Variants in NXN observed in about 807,000 individuals in gnomAD.
NXN encodes nucleoredoxin.
A neutral mutation model predicts 48.6 loss-of-function variants in NXN; 16 were observed. The observed-to-expected ratio is 0.33, with a 90% CI of 0.22 to 0.50. The LOEUF is 0.50. Among genes scored for constraint, NXN ranks in the 20% least tolerant of loss-of-function variants. The pLI, the probability that NXN is intolerant of heterozygous loss-of-function variation, is 0.98. For missense variants in NXN, 492 were observed against 605.5 expected, an observed-to-expected ratio of 0.81 and a Z score of 1.97; for synonymous variants, 281 against 269.6, an observed-to-expected ratio of 1.04 and a Z score of -0.41.
At chr17:975,755 G>A (rs1372791204) in intron 1 of NXN, among the ~76,000 whole-genome samples, 2 of 152,194 alleles carry the variant, frequency 1.3e-5, no homozygotes, top group African/African-American at 2.4e-5. Flanking sequence ...AACACCAAAA[G>A]AGTGCTCACT....
intron 1 of NXN, among the ~76,000 whole-genome samples, chr17:925,091 A>T (rs1213982587): frequency 6.6e-6 from 1 of 152,196 alleles, no homozygotes; most frequent in Non-Finnish European, 1.5e-5. Context: ...TTCAAAGCTG[A>T]TTGTCTCAGG....
Position 921,126 on chromosome 17 carries a change from A to T in NXN, c.360+58193T>A, listed in dbSNP as rs537944043. 5.3e-5 allele frequency among the ~76,000 whole-genome samples: 8 copies of T among 152,284 alleles called. No homozygotes were observed. In the East Asian group the frequency reaches 1.5e-3, roughly 29 times the overall value. The stretch of plus-strand genomic sequence containing the variant: ...ATCACAGCTTTGTAGTGAGAGTTAG[A>T]CGGGACGGCGTTCAGCCACCCTCAG... On this transcript the variant is annotated intron_variant, in intron 1 of 7. Coordinates refer to ENST00000336868, the MANE Select transcript of NXN (RefSeq NM_022463.5).
intron 1 of NXN, among the ~76,000 whole-genome samples, chr17:861,325 G>C (rs1483382667): frequency 1.3e-5 from 2 of 152,084 alleles, no homozygotes; most frequent in African/African-American, 4.8e-5. Flanking sequence ...GTAGAGACGG[G>C]GTTTCACCAT....
chr17:936,550 C>A lies in NXN; in HGVS notation c.360+42769G>T, dbSNP rs375275134. Among the ~76,000 whole-genome samples, 57 of 151,274 alleles carry A rather than the reference C, an allele frequency of 3.8e-4. 2 individuals carry two copies. Among genetic ancestry groups the A allele is most frequent in the African/African-American group, 1.4e-3 (56 of 41,162 alleles). ...AGTGACTGAAAGCAGGATTCTGCTG[C>A]GGAAAAACTGGACTTGGAGGAAGGG... is the stretch of plus-strand genomic sequence containing the variant. On this transcript the variant is annotated intron_variant, in intron 1 of 7. Transcript: ENST00000336868.
At chr17:930,263 C>G (rs1216643513) in intron 1 of NXN, 1 of 152,056 alleles carries the variant, frequency 6.6e-6, no homozygotes, top group Non-Finnish European at 1.5e-5. Context: ...GGTGAAACCC[C>G]ATCTTTACTA....
At chr17:866,589 TAA>T (rs2068097958) in intron 1 of NXN, among the ~76,000 whole-genome samples, 1 of 152,018 alleles carries the variant, frequency 6.6e-6, no homozygotes, top group African/African-American at 2.4e-5. Flanking sequence ...AAATGAACCT[TAA>T]GAGAGAGGAT....
chr17:897,762 G>A (rs1274483189), intron 1 of NXN, among the ~76,000 whole-genome samples: 1 of 152,066 alleles, frequency 6.6e-6, no homozygotes, highest in Non-Finnish European at 1.5e-5. Flanking sequence ...TGCAACCTCG[G>A]CCTCCAAGGT....
rs187613375 is a variant in NXN at position 900,984 on chromosome 17, G to A, written c.361-74906C>T. 9.9e-5 allele frequency among the ~76,000 whole-genome samples: 14 copies of A among 140,804 alleles called. No individual in the cohort carries two copies. In the South Asian group the frequency reaches 1.6e-3, roughly 16 times the overall value. 92.4% of individuals were successfully genotyped at this position (140,804 alleles called of 152,430 possible). On this transcript the variant is annotated intron_variant, in intron 1 of 7. Coordinates refer to ENST00000336868, the MANE Select transcript of NXN (RefSeq NM_022463.5). ...TGCCCAGCCTAGAGTGCAATGGCAC[G>A]ATCTTGGTTCATTGCAACCTCCACC...
chr17:924,280 A>T (rs2068776896), intron 1 of NXN, among the ~76,000 whole-genome samples: 1 of 152,166 alleles, frequency 6.6e-6, no homozygotes, highest in African/African-American at 2.4e-5. Flanking sequence ...CTTATTGCCC[A>T]GGCTGGAGTG....
chr17:923,732 T>C (rs1006372449), intron 1 of NXN, among the ~76,000 whole-genome samples: 4 of 152,126 alleles, frequency 2.6e-5, no homozygotes, highest in Admixed American at 2.6e-4. Flanking sequence ...CATATGTAAC[T>C]AGAAACTTTG....
intron 1 of NXN, among the ~76,000 whole-genome samples, chr17:869,800 C>T (rs1342265477): frequency 3.9e-5 from 6 of 152,216 alleles, no homozygotes; most frequent in Admixed American, 3.3e-4. Context: ...TTAACAGCTA[C>T]GTCCTGCCAA....
rs932696991 is a variant in NXN, at chr17:835,152, C to G, written c.361-9074G>C. On this transcript the variant is annotated intron_variant, in intron 1 of 7. Transcript: ENST00000336868. ...TGAAACCCTGTCTCTACTAAAAATA[C>G]AAAAAATTAGCCGGGTGTGGTGACG... Among the ~76,000 whole-genome samples, 3 of 151,084 alleles carry G rather than the reference C, an allele frequency of 2.0e-5. No homozygotes were observed. The East Asian group carries it at 5.9e-4, about 30-fold the overall frequency.
intron 1 of NXN, among the ~76,000 whole-genome samples, chr17:829,885 G>T (rs1478998342): frequency 6.6e-6 from 1 of 152,124 alleles, no homozygotes; most frequent in Admixed American, 6.5e-5. Flanking sequence ...TGGGCATTTG[G>T]GTTGGTTCCA....
rs1913068185 is a variant in NXN at position 825,796 on chromosome 17, T to C, written c.478+165A>G. The C allele has an allele frequency of 6.7e-6, 4 of 600,094 alleles. No homozygotes were observed. The highest frequency in any genetic ancestry group is 2.1e-5 in the South Asian group (1 of 48,164). The allele number at this position is 600,094 out of a possible 1,614,324, so 37.2% of individuals were successfully genotyped here. ...CTGTGAAAATCTTAAAACCATGTCC[T>C]AGGGAATACTATGATTTCACCAAGA... On this transcript the variant is annotated intron_variant, in intron 2 of 7. Coordinates refer to ENST00000336868, the MANE Select transcript of NXN (RefSeq NM_022463.5). The surrounding 1 kb of genome is among the most constrained non-coding windows in gnomAD (Gnocchi z 4.1).
intron 1 of NXN, 72 bp downstream of exon 1, chr17:979,247 C>A (rs2069504682): frequency 1.2e-6 from 1 of 831,574 alleles, no homozygotes; most frequent in Non-Finnish European, 1.4e-6. Flanking sequence ...GCAGGGGTAA[C>A]GGGCGTGGGG....
At chr17:805,640 C>T (rs1229901389) in intron 5 of NXN, among the ~76,000 whole-genome samples, 2 of 150,750 alleles carry the variant, frequency 1.3e-5, no homozygotes, top group African/African-American at 4.9e-5. Flanking sequence ...AGTTGGAGAC[C>T]AGCCTGGCCA....
intron 1 of NXN, among the ~76,000 whole-genome samples, chr17:896,590 C>CGTT (rs2068488875): frequency 6.6e-6 from 1 of 152,190 alleles, no homozygotes; most frequent in Admixed American, 6.5e-5. Flanking sequence ...ACTTACCAGA[C>CGTT]GTTAACTATC....
intron 5 of NXN, among the ~76,000 whole-genome samples, chr17:807,006 C>T (rs764192697): frequency 1.8e-4 from 27 of 152,170 alleles, no homozygotes; most frequent in East Asian, 9.6e-4. Flanking sequence ...GTGTGCTCAG[C>T]GTGGACAGTG....
intron 1 of NXN, among the ~76,000 whole-genome samples, chr17:943,428 G>A (rs1056495312): frequency 2.0e-5 from 3 of 152,174 alleles, no homozygotes; most frequent in South Asian, 2.1e-4. Flanking sequence ...CCTCAAGCAC[G>A]TCTGTTCCCC....
Sources: gnomAD v4.1 joint callset for allele counts (sites outside exome capture counted in the v4.1 genomes callset) on GRCh38, gnomAD v4.1.1 for gene constraint, Gnocchi (gnomAD v3.1) non-coding constraint, MANE v1.5 for transcripts, NCBI Gene and HGNC (gene_info 2026-07-23, HGNC 2026-07-21) for gene names.